Variants in LRRN1 observed in about 807,000 individuals in gnomAD.
LRRN1 encodes leucine-rich repeat neuronal protein 1.
A neutral mutation model predicts 45.8 loss-of-function variants in LRRN1; 14 were observed. The observed-to-expected ratio is 0.31, with a 90% CI of 0.20 to 0.48. LRRN1 has a LOEUF of 0.48. Among genes scored for constraint, LRRN1 ranks in the 20% least tolerant of loss-of-function variants. LRRN1 has a pLI of 0.99. For missense variants in LRRN1, 789 were observed against 874.2 expected (o/e 0.90, Z 1.23); for synonymous variants, 359 against 330.1 (o/e 1.09, Z -0.95).
At chr3:3,821,350 G>A (rs1693101453) in intron 1 of LRRN1, among the ~76,000 whole-genome samples, 1 of 152,184 alleles carries the variant, frequency 6.6e-6, no homozygotes, top group Non-Finnish European at 1.5e-5. Flanking sequence ...GAATATTTCT[G>A]AAGTTGCATT....
At chr3:3,818,730 G>C (rs1394790150) in intron 1 of LRRN1, among the ~76,000 whole-genome samples, 1 of 152,086 alleles carries the variant, frequency 6.6e-6, no homozygotes, top group East Asian at 1.9e-4. Flanking sequence ...TATAAGTTTA[G>C]CCTGCTGGGT....
At position 3,846,797 on chromosome 3, in the gene LRRN1, G is replaced by A. The variant is rs777216303; in HGVS notation, c.*5G>A. 20 of 1,581,548 alleles carry A rather than the reference G, an allele frequency of 1.3e-5. No individual in the cohort carries two copies. In the East Asian group the frequency reaches 4.3e-4, roughly 34 times the overall value. On this transcript the variant is annotated 3_prime_UTR_variant, in exon 2 of 2. Transcript: ENST00000319331. The surrounding 1 kb of genome is among the most constrained non-coding windows in gnomAD (Gnocchi z 5.7). ...AGAAGCTATTACATGTGGTAACTCAGAGGATATTTTGCTTCTGGTAGTAAG... is the reference window on the plus strand; with the variant it reads ...AGAAGCTATTACATGTGGTAACTCAAAGGATATTTTGCTTCTGGTAGTAAG...
intron 1 of LRRN1, among the ~76,000 whole-genome samples, chr3:3,810,676 T>C (rs1250603467): frequency 2.6e-5 from 4 of 152,140 alleles, no homozygotes; most frequent in African/African-American, 9.7e-5. Flanking sequence ...CACTGTACTC[T>C]AGCCTGAGTG....
chr3:3,834,397 C>T (rs934233837), intron 1 of LRRN1, among the ~76,000 whole-genome samples: 2 of 150,266 alleles, frequency 1.3e-5, no homozygotes, highest in African/African-American at 4.9e-5. Flanking sequence ...TGGGTCTAAT[C>T]ATATTAAGCA....
chr3:3,823,697 T>A (rs564807338), intron 1 of LRRN1, among the ~76,000 whole-genome samples: 1 of 152,292 alleles, frequency 6.6e-6, no homozygotes, highest in African/African-American at 2.4e-5. Context: ...GGTGGAGTCA[T>A]TTGTCCCAGG....
chr3:3,823,129 G>C (rs1369374266), intron 1 of LRRN1, among the ~76,000 whole-genome samples: 1 of 152,100 alleles, frequency 6.6e-6, no homozygotes, highest in Non-Finnish European at 1.5e-5. Flanking sequence ...ATCGGTGTTG[G>C]CTTCAAGAGC....
chr3:3,833,875 G>C (rs11918094), intron 1 of LRRN1, among the ~76,000 whole-genome samples: 2,176 of 152,292 alleles, frequency 0.014, 39 homozygotes, highest in African/African-American at 0.049. Flanking sequence ...AGCTTCATCA[G>C]GGTGCTCCCA....
intron 1 of LRRN1, among the ~76,000 whole-genome samples, chr3:3,834,097 G>A (rs374970277): frequency 4.6e-5 from 7 of 151,980 alleles, no homozygotes; most frequent in Admixed American, 2.6e-4. Flanking sequence ...TTTGAGGCTC[G>A]GTATCTGCTT....
In LRRN1 at chr3:3,845,925, C is replaced by T. The variant is rs376672468; in HGVS notation, c.1284C>T (p.His428=). ...SSEQCLPMIS[H]DSFPNRLNVD... ...AACAGTGCCTCCCAATGATATCTCA[C>T]GACAGCTTCCCAAATCGTTTAAACG... The change falls in exon 2 of 2, where the codon CAC becomes CAT. Residue 428 remains histidine, a synonymous_variant. Coordinates refer to ENST00000319331, the MANE Select transcript of LRRN1 (RefSeq NM_020873.7). The surrounding 1 kb of genome is among the most constrained non-coding windows in gnomAD (Gnocchi z 6.5). 34 of 1,613,988 alleles carry T rather than the reference C, an allele frequency of 2.1e-5. No individual in the cohort carries two copies. The highest frequency in any genetic ancestry group is 6.7e-5 in the African/African-American group (5 of 74,898).
In LRRN1 at chr3:3,846,202, C is replaced by T; in HGVS notation, c.1561C>T (p.Leu521=). 1.9e-6 allele frequency: 3 copies of T among 1,614,122 alleles called. No individual in the cohort carries two copies. The highest frequency in any genetic ancestry group is 2.5e-6 in the Non-Finnish European group (3 of 1,180,010). Residue 521 remains leucine, a synonymous_variant, in exon 2 of 2, where the codon CTG becomes TTG. Coordinates refer to ENST00000319331, the MANE Select transcript of LRRN1 (RefSeq NM_020873.7). This position sits in a 1 kb window ranked among gnomAD's most constrained non-coding sequence, Gnocchi z 5.7. ...AACAATTAAGGTTAATGGGACCCTT[C>T]TGGATGGTACCCAGGTGCTAAAAAT... ...VATIKVNGTL[L]DGTQVLKIYV...
chr3:3,842,421 G>A lies in LRRN1; in HGVS notation c.-278-1943G>A, dbSNP rs536376300. 1.5e-4 allele frequency among the ~76,000 whole-genome samples: 23 copies of A among 151,404 alleles called. No individual in the cohort carries two copies. In the South Asian group the frequency reaches 4.8e-3, roughly 32 times the overall value. Reference sequence around the variant, plus strand: ...ATTTAATTTTTTTTTTTTATTGTTAGACCAGTAATGCAGTTTTCATATTTT... The same window carrying A: ...ATTTAATTTTTTTTTTTTATTGTTAAACCAGTAATGCAGTTTTCATATTTT... On this transcript the variant is annotated intron_variant, in intron 1 of 1. Coordinates refer to ENST00000319331, the MANE Select transcript of LRRN1 (RefSeq NM_020873.7).
intron 1 of LRRN1, among the ~76,000 whole-genome samples, chr3:3,813,241 C>T (rs1575282402): frequency 6.6e-6 from 1 of 152,180 alleles, no homozygotes; most frequent in Non-Finnish European, 1.5e-5. Flanking sequence ...TTCGTCGGTG[C>T]TCTAATGACC....
chr3:3,815,116 T>C (rs1458611302), intron 1 of LRRN1, among the ~76,000 whole-genome samples: 1 of 152,182 alleles, frequency 6.6e-6, no homozygotes, highest in East Asian at 1.9e-4. Flanking sequence ...TTGATTTCCA[T>C]AGCTACTGTG....
At chr3:3,800,652 C>T (rs1186308899) in intron 1 of LRRN1, 1 of 23,614 alleles carries the variant, frequency 4.2e-5, no homozygotes, top group African/African-American at 1.1e-4. Context: ...GAGCTCCACG[C>T]GGGGACAGAC....
In LRRN1 at chr3:3,849,702, A is replaced by C. The variant is rs548493520; in HGVS notation, c.*2910A>C. 1.4e-4 allele frequency among the ~76,000 whole-genome samples: 21 copies of C among 152,316 alleles called. No individual in the cohort carries two copies. The highest frequency in any genetic ancestry group is 1.2e-3 in the Admixed American group (19 of 15,298). On this transcript the variant is annotated 3_prime_UTR_variant, in exon 2 of 2. Transcript: ENST00000319331. ...AGGCATTCCCTAACTTGCTCATTTAATTAATGAAAAATTGAACTGATGCCA... is the reference window on the plus strand; with the variant it reads ...AGGCATTCCCTAACTTGCTCATTTACTTAATGAAAAATTGAACTGATGCCA...
intron 1 of LRRN1, among the ~76,000 whole-genome samples, chr3:3,839,570 G>A (rs1693601678): frequency 6.6e-6 from 1 of 152,078 alleles, no homozygotes; most frequent in African/African-American, 2.4e-5. Flanking sequence ...TGTTTTGGGT[G>A]TTATAGACAG....
In LRRN1 at chr3:3,846,181, A is replaced by T; in HGVS notation, c.1540A>T (p.Ile514Phe). 1 of 1,614,184 alleles carries T rather than the reference A, an allele frequency of 6.2e-7. No homozygotes were observed. The highest frequency in any genetic ancestry group is 8.5e-7 in the Non-Finnish European group (1 of 1,180,032). The change falls in exon 2 of 2, where the codon ATT (isoleucine) becomes TTT (phenylalanine). Residue 514 changes from isoleucine to phenylalanine, a missense_variant. Coordinates refer to ENST00000319331, the MANE Select transcript of LRRN1 (RefSeq NM_020873.7). This position sits in a 1 kb window ranked among gnomAD's most constrained non-coding sequence, Gnocchi z 5.7. ...VQGADTRVAT[I>F]KVNGTLLDGT... is the part of the protein sequence containing the mutation. ...AGGGGCAGACACTCGGGTGGCAACA[A>T]TTAAGGTTAATGGGACCCTTCTGGA...
chr3:3,809,633 G>A (rs1692836713), intron 1 of LRRN1, among the ~76,000 whole-genome samples: 1 of 152,200 alleles, frequency 6.6e-6, no homozygotes, highest in South Asian at 2.1e-4. Flanking sequence ...GGGAAGGAGT[G>A]GGTAACAAGG....
chr3:3,830,629 G>A (rs755197388), intron 1 of LRRN1, among the ~76,000 whole-genome samples: 4 of 152,216 alleles, frequency 2.6e-5, no homozygotes, highest in Non-Finnish European at 5.9e-5. Context: ...CAGGCTGGGG[G>A]AGAGAAGGCA....
Sources: gnomAD v4.1 joint callset for allele counts (sites outside exome capture counted in the v4.1 genomes callset) on GRCh38, gnomAD v4.1.1 for gene constraint, Gnocchi (gnomAD v3.1) non-coding constraint, MANE v1.5 for transcripts, NCBI Gene and HGNC (gene_info 2026-07-23, HGNC 2026-07-21) for gene names.